The following ARG2 variants were observed in gnomAD, a reference collection of about 807,000 sequenced individuals.
The protein encoded by ARG2 is arginase 2, also known as arginase-2, mitochondrial.
In ARG2, 21 loss-of-function variants were observed where a neutral mutation model predicts 39.4. The ratio of observed to expected loss-of-function variants is 0.53; its 90% CI spans 0.38 to 0.77. ARG2 has a LOEUF of 0.77. Ranked by LOEUF, ARG2 falls within the 30% of genes least tolerant of loss-of-function variation. ARG2 has a pLI of 0.00. For missense variants in ARG2, 378 were observed against 426.2 expected (o/e 0.89, Z 1.00); for synonymous variants, 150 against 156.7 (o/e 0.96, Z 0.32).
At chr14:67,625,242 A>G (rs191927055) in intron 2 of ARG2, among the ~76,000 whole-genome samples, 4 of 152,326 alleles carry the variant, frequency 2.6e-5, no homozygotes, top group Admixed American at 2.0e-4. Context: ...CTGAAACCAT[A>G]TAACTGTTAG....
rs1320879407 is a variant in ARG2, at chr14:67,650,749, T to G, written c.894T>G (p.Asn298Lys). The change falls in exon 8 of 8, where the codon AAT becomes AAG. Residue 298 changes from asparagine to lysine, a missense_variant. Physicochemically the swap from Asn to Lys is moderately conservative, Grantham distance 94 (BLOSUM62 0). Coordinates refer to ENST00000261783, the MANE Select transcript of ARG2 (RefSeq NM_001172.4). ...LLSALDLVEV[N>K]PQLATSEEEA... Reference sequence around the variant, plus strand: ...CAGCACTGGATCTTGTTGAAGTCAATCCTCAGTTGGCCACCTCAGAGGAAG... The same window carrying G: ...CAGCACTGGATCTTGTTGAAGTCAAGCCTCAGTTGGCCACCTCAGAGGAAG... 8 of 1,614,002 alleles carry G rather than the reference T, an allele frequency of 5.0e-6. No individual in the cohort carries two copies. The highest frequency in any genetic ancestry group is 6.8e-6 in the Non-Finnish European group (8 of 1,180,022).
intron 2 of ARG2, among the ~76,000 whole-genome samples, chr14:67,638,043 T>C (rs1183231132): frequency 6.6e-6 from 1 of 152,188 alleles, no homozygotes; most frequent in East Asian, 1.9e-4. Context: ...GTCCTAGGCA[T>C]GAGAGCCACA....
Position 67,650,762 on chromosome 14 carries a change from A to C in ARG2, c.907A>C (p.Thr303Pro). 6.2e-7 allele frequency: 1 copy of C among 1,614,182 alleles called. No homozygotes were observed. Among genetic ancestry groups the C allele is most frequent in the Non-Finnish European group, 8.5e-7 (1 of 1,180,032 alleles). The change falls in exon 8 of 8, where the codon ACC becomes CCC. Residue 303 changes from threonine to proline, a missense_variant. Coordinates refer to ENST00000261783, the MANE Select transcript of ARG2 (RefSeq NM_001172.4). ...DLVEVNPQLA[T>P]SEEEAKTTAN... ...TGTTGAAGTCAATCCTCAGTTGGCC[A>C]CCTCAGAGGAAGAGGCGAAGACTAC... is the stretch of plus-strand genomic sequence containing the variant.
At chr14:67,624,140 C>T (rs937115006) in intron 2 of ARG2, among the ~76,000 whole-genome samples, 5 of 152,140 alleles carry the variant, frequency 3.3e-5, no homozygotes, top group Admixed American at 6.5e-5. Flanking sequence ...TATCTGCACT[C>T]GATTTTGGTT....
intron 2 of ARG2, among the ~76,000 whole-genome samples, chr14:67,622,674 A>G (rs970425727): frequency 6.6e-6 from 1 of 152,228 alleles, no homozygotes; most frequent in Non-Finnish European, 1.5e-5. Flanking sequence ...TTTTAAAAGA[A>G]TCATTTTACA....
intron 2 of ARG2, among the ~76,000 whole-genome samples, chr14:67,626,517 C>A (rs939678594): frequency 2.0e-5 from 3 of 152,172 alleles, no homozygotes; most frequent in Non-Finnish European, 4.4e-5. Context: ...CATATATTCA[C>A]ACAAACTTTT....
Position 67,648,494 on chromosome 14 carries a change from TAAG to T in ARG2, c.859+315_859+317del, listed in dbSNP as rs984196501. The stretch of plus-strand genomic sequence containing the variant: ...TGAGTTATCTAAAGGCAGATTAAGA[TAAG>T]AAGGCAAGATAAGATAAGAGTGCAA... On this transcript the variant is annotated intron_variant, in intron 7 of 7. Coordinates refer to ENST00000261783, the MANE Select transcript of ARG2 (RefSeq NM_001172.4). The T allele has an allele frequency of 8.8e-5, 18 of 203,764 alleles. No individual in the cohort carries two copies. The South Asian group carries it at 1.7e-3, about 19-fold the overall frequency. The allele number at this position is 203,764 out of a possible 1,614,324, so 12.6% of individuals were successfully genotyped here. A position where few individuals can be genotyped will look rare whatever the true frequency, so the allele number is the denominator to read the frequency against.
Position 67,645,730 on chromosome 14 carries a change from A to G in ARG2, c.450A>G (p.Thr150=). The part of the protein sequence containing the change: ...VWVDAHADIN[T]PLTTSSGNLH... Reference sequence around the variant, plus strand: ...TTGATGCCCATGCTGACATCAACACACCCCTTACCACTTCATCAGGAAATC... The same window carrying G: ...TTGATGCCCATGCTGACATCAACACGCCCCTTACCACTTCATCAGGAAATC... The change falls in exon 4 of 8, where the codon ACA becomes ACG. Residue 150 remains threonine (T), a synonymous_variant. Coordinates refer to ENST00000261783, the MANE Select transcript of ARG2 (RefSeq NM_001172.4). 1 of 1,613,946 alleles carries G rather than the reference A, an allele frequency of 6.2e-7. No homozygotes were observed. The highest frequency in any genetic ancestry group is 1.1e-5 in the South Asian group (1 of 91,076).
chr14:67,639,033 G>A (rs1348250405), intron 2 of ARG2, among the ~76,000 whole-genome samples: 3 of 150,290 alleles, frequency 2.0e-5, no homozygotes, highest in South Asian at 4.1e-4. Flanking sequence ...ATGAACCCCC[G>A]ACAGAAGTTA....
intron 3 of ARG2, among the ~76,000 whole-genome samples, chr14:67,644,732 C>T (rs1001568146): frequency 6.6e-6 from 1 of 152,206 alleles, no homozygotes; most frequent in Non-Finnish European, 1.5e-5. Context: ...GGCATAGTGG[C>T]TCACGCCTGT....
At position 67,646,700 on chromosome 14, in the gene ARG2, T is replaced by G. The variant is rs1179163745; in HGVS notation, c.579T>G (p.Ile193Met). Reference protein sequence around the residue: ...WIKPCISSASIVYIGLRDVDP... With the variant: ...WIKPCISSASMVYIGLRDVDP... ...AACCTTGTATCTCTTCTGCAAGTAT[T>G]GTGTATATTGGTCTGAGAGACGTGG... Residue 193 changes from isoleucine to methionine, a missense_variant, in exon 5 of 8, where the codon ATT (isoleucine) becomes ATG (methionine). Transcript: ENST00000261783. The G allele has an allele frequency of 1.9e-6, 3 of 1,613,908 alleles. No individual in the cohort carries two copies. The South Asian group carries it at 3.3e-5, about 18-fold the overall frequency.
intron 7 of ARG2, 139 bp from the exon 8 acceptor site, chr14:67,650,576 C>A (rs1566808234): frequency 2.9e-6 from 2 of 700,558 alleles, no homozygotes; most frequent in South Asian, 3.6e-5. Context: ...GTGCAAGGGG[C>A]TTCCTAAAAA....
At chr14:67,643,300 T>A (rs186811143) in intron 3 of ARG2, among the ~76,000 whole-genome samples, 1 of 152,196 alleles carries the variant, frequency 6.6e-6, no homozygotes, top group Non-Finnish European at 1.5e-5. Flanking sequence ...AACAAAAATA[T>A]TGAATTCTAC....
At chr14:67,625,430 G>A (rs1380465845) in intron 2 of ARG2, among the ~76,000 whole-genome samples, 2 of 152,140 alleles carry the variant, frequency 1.3e-5, no homozygotes, top group African/African-American at 4.8e-5. Context: ...TGTAATCCCA[G>A]CACTTTGGGA....
intron 7 of ARG2, chr14:67,648,722 G>A (rs575447038): frequency 2.6e-5 from 4 of 152,350 alleles, no homozygotes; most frequent in African/African-American, 9.6e-5. Flanking sequence ...GTACTAAGAT[G>A]AATTCTACGT....
Position 67,650,913 on chromosome 14 carries a change from G to C in ARG2, c.1058G>C (p.Arg353Thr). ...PDESENQARV[R>T]I ...GAATCAGAAAATCAAGCACGTGTGAGAATTTAGGAGACACTGTGCACTGAC... is the reference window on the plus strand; with the variant it reads ...GAATCAGAAAATCAAGCACGTGTGACAATTTAGGAGACACTGTGCACTGAC... The change falls in exon 8 of 8, where the codon AGA becomes ACA. Residue 353 changes from arginine (R) to threonine (T), a missense_variant. Physicochemically the swap from Arg to Thr is moderately conservative, Grantham distance 71 (BLOSUM62 -1). Coordinates refer to ENST00000261783, the MANE Select transcript of ARG2 (RefSeq NM_001172.4). 1.2e-6 allele frequency: 2 copies of C among 1,613,846 alleles called. No homozygotes were observed. The highest frequency in any genetic ancestry group is 1.6e-4 in the Middle Eastern group (1 of 6,062).
chr14:67,648,305 T>C (rs2037127694), intron 7 of ARG2, 122 bp downstream of exon 7: 2 of 1,167,896 alleles, frequency 1.7e-6, no homozygotes, highest in African/African-American at 1.6e-5. Context: ...GCTTAAACTT[T>C]TGTAGCTAAA....
intron 3 of ARG2, among the ~76,000 whole-genome samples, chr14:67,645,145 T>G (rs528521624): frequency 1.2e-4 from 18 of 152,156 alleles, no homozygotes; most frequent in African/African-American, 4.3e-4. Context: ...TGGTGAGTCG[T>G]TACCTATAGA....
chr14:67,633,549 A>G (rs1200747688), intron 2 of ARG2, among the ~76,000 whole-genome samples: 1 of 152,008 alleles, frequency 6.6e-6, no homozygotes. Flanking sequence ...ATGCCCCTCT[A>G]TTGCTGGACA....
Sources: allele counts gnomAD v4.1 joint callset (sites outside exome capture counted in the v4.1 genomes callset), GRCh38; gene constraint gnomAD v4.1.1; transcripts MANE v1.5; gene names NCBI Gene and HGNC (gene_info 2026-07-23, HGNC 2026-07-21).